The following USH2A variants were observed in gnomAD, a reference collection of about 807,000 sequenced individuals.
USH2A encodes usherin.
A neutral mutation model predicts 538.9 loss-of-function variants in USH2A; 443 were observed. The observed-to-expected ratio is 0.82, with a 90% CI of 0.76 to 0.89. USH2A has a LOEUF of 0.89. Among genes scored for constraint, USH2A ranks in the 40% least tolerant of loss-of-function variants. The pLI is 0.00. For missense variants in USH2A, 6,633 were observed against 6,324.8 expected (o/e 1.05, Z -1.65); for synonymous variants, 2,413 against 2,273.5 (o/e 1.06, Z -1.75).
intron 15 of USH2A, among the ~76,000 whole-genome samples, chr1:216,211,117 C>A (rs530063977): frequency 6.6e-6 from 1 of 152,186 alleles, no homozygotes; most frequent in East Asian, 1.9e-4. Context: ...CCCCTTTCCA[C>A]GTATCTTGTC....
intron 30 of USH2A, among the ~76,000 whole-genome samples, chr1:216,049,437 G>A (rs1435773345): frequency 6.6e-6 from 1 of 152,066 alleles, no homozygotes; most frequent in African/African-American, 2.4e-5. Context: ...TCCTTATTTA[G>A]TTAATCCTGT....
intron 61 of USH2A, among the ~76,000 whole-genome samples, chr1:215,720,512 T>C (rs1659624156): frequency 6.6e-6 from 1 of 152,158 alleles, no homozygotes; most frequent in Admixed American, 6.5e-5. Context: ...GTCAATGAAT[T>C]CCAAAGTTAG....
At chr1:216,287,037 T>G (rs1166339257) in intron 11 of USH2A, among the ~76,000 whole-genome samples, 5 of 152,150 alleles carry the variant, frequency 3.3e-5, no homozygotes, top group Non-Finnish European at 4.4e-5. Flanking sequence ...AGATGTAAAA[T>G]CCTTAGCAAA....
chr1:215,961,941 C>G (rs1177200935), intron 37 of USH2A, among the ~76,000 whole-genome samples: 1 of 151,862 alleles, frequency 6.6e-6, no homozygotes, highest in Non-Finnish European at 1.5e-5. Flanking sequence ...AAAATTTCTA[C>G]TAATATAACA....
In USH2A at chr1:215,840,163, CAAAAAAAA is replaced by C. The variant is rs60766928; in HGVS notation, c.9259-2068_9259-2061del. ...GGGTGAGAAGAGTGAGACTCTGTCT[CAAAAAAAA>C]AAAAAAAAAAAAAAAAAAAAAAAAG... On this transcript the variant is annotated intron_variant, in intron 46 of 71. Transcript: ENST00000307340. Among the ~76,000 whole-genome samples the C allele has an allele frequency of 9.9e-3, 291 of 29,420 alleles. 1 individual carries two copies. The highest frequency in any genetic ancestry group is 0.028 in the African/African-American group (252 of 8,852). 19.3% of individuals were successfully genotyped at this position (29,420 alleles called of 152,430 possible). A position where few individuals can be genotyped will look rare whatever the true frequency, so the allele number is the denominator to read the frequency against.
intron 21 of USH2A, among the ~76,000 whole-genome samples, chr1:216,101,091 G>A (rs2032567103): frequency 6.6e-6 from 1 of 152,098 alleles, no homozygotes. Flanking sequence ...AATAATGAAT[G>A]TCTTTTGTGC....
At position 216,050,908 on chromosome 1, in the gene USH2A, C is replaced by T. The variant is rs535999440; in HGVS notation, c.6050-2261G>A. Among the ~76,000 whole-genome samples the T allele has an allele frequency of 1.3e-5, 2 of 151,762 alleles. 1 individual carries two copies. The highest frequency in any genetic ancestry group is 4.2e-4 in the South Asian group (2 of 4,812). On this transcript the variant is annotated intron_variant, in intron 30 of 71. Coordinates refer to ENST00000307340, the MANE Select transcript of USH2A (RefSeq NM_206933.4). Reference sequence around the variant, plus strand: ...GCGTGAGCCACTGTGCCCGGCCGGCCGACGCTTTGTATCTTTTAAAGATCA... The same window carrying T: ...GCGTGAGCCACTGTGCCCGGCCGGCTGACGCTTTGTATCTTTTAAAGATCA...
rs150865322 is a variant in USH2A at position 216,391,607 on chromosome 1, T to C, written c.652-26522A>G. 9.7e-3 allele frequency among the ~76,000 whole-genome samples: 1,477 copies of C among 152,272 alleles called. 12 individuals are homozygous for C. Among genetic ancestry groups the C allele is most frequent in the Non-Finnish European group, 0.015 (1,045 of 68,008 alleles). ...CCATTTGAGACTTGCCCCTAGTACA[T>C]CTTAATAAATAATAACCAGGCATGC... On this transcript the variant is annotated intron_variant, in intron 3 of 71. Coordinates refer to ENST00000307340, the MANE Select transcript of USH2A (RefSeq NM_206933.4).
At chr1:216,384,558 C>A (rs764930879) in intron 3 of USH2A, among the ~76,000 whole-genome samples, 6 of 151,870 alleles carry the variant, frequency 4.0e-5, no homozygotes, top group Non-Finnish European at 7.4e-5. Context: ...GTCAATATAC[C>A]CCTGAAATTG....
intron 4 of USH2A, among the ~76,000 whole-genome samples, chr1:216,355,163 C>G (rs2038359689): frequency 6.6e-6 from 1 of 151,648 alleles, no homozygotes; most frequent in Non-Finnish European, 1.5e-5. Flanking sequence ...CAAAAATTGG[C>G]ATGGTGGCAT....
chr1:215,635,654 C>T (rs1656458507), intron 69 of USH2A, among the ~76,000 whole-genome samples: 1 of 151,826 alleles, frequency 6.6e-6, no homozygotes, highest in African/African-American at 2.4e-5. Context: ...CTCTTGGGTT[C>T]AAGTGATTCT....
At chr1:215,941,203 C>T (rs60239520) in intron 37 of USH2A, among the ~76,000 whole-genome samples, 3,964 of 151,940 alleles carry the variant, frequency 0.026, 175 homozygotes, top group African/African-American at 0.091. Context: ...CCTAAAACTG[C>T]TCTAAAAATA....
intron 35 of USH2A, among the ~76,000 whole-genome samples, chr1:215,990,643 T>C (rs1667980830): frequency 6.6e-6 from 1 of 152,042 alleles, no homozygotes; most frequent in African/African-American, 2.4e-5. Flanking sequence ...TACTTTAAAC[T>C]TAAGGAAGAG....
At chr1:215,662,433 C>G (rs1255702551) in intron 64 of USH2A, among the ~76,000 whole-genome samples, 2 of 152,108 alleles carry the variant, frequency 1.3e-5, no homozygotes, top group Non-Finnish European at 2.9e-5. Context: ...CCCAAAGGCG[C>G]CATGAAGATT....
chr1:215,679,901 A>G (rs1318211193), intron 62 of USH2A, among the ~76,000 whole-genome samples: 1 of 152,176 alleles, frequency 6.6e-6, no homozygotes, highest in Non-Finnish European at 1.5e-5. Flanking sequence ...GTACCCACCT[A>G]GTAGGGTTGA....
At chr1:216,202,353 G>T (rs2035018626) in intron 16 of USH2A, among the ~76,000 whole-genome samples, 1 of 152,156 alleles carries the variant, frequency 6.6e-6, no homozygotes, top group Non-Finnish European at 1.5e-5. Flanking sequence ...ATTAGAATCA[G>T]ATAGAATTGG....
At chr1:216,061,310 C>T (rs537077357) in intron 30 of USH2A, among the ~76,000 whole-genome samples, 5 of 152,290 alleles carry the variant, frequency 3.3e-5, no homozygotes, top group Admixed American at 3.3e-4. Flanking sequence ...TAAGTCTGAA[C>T]ATAAAATCCC....
At chr1:216,086,084 A>AT (rs1046587148) in intron 24 of USH2A, among the ~76,000 whole-genome samples, 4 of 151,848 alleles carry the variant, frequency 2.6e-5, no homozygotes, top group Non-Finnish European at 4.4e-5. Flanking sequence ...TTGAAGGGTG[A>AT]TTTTTTTTCC....
At chr1:215,743,371 C>CATATATATATATATATATATATATATAT (rs376081393) in intron 58 of USH2A, 36 bp from the exon 59 acceptor site, 106 of 405,982 alleles carry the variant, frequency 2.6e-4, no homozygotes, top group Admixed American at 7.2e-4. Context: ...ACATTAAAAA[C>CATATATATATATATATATATATATATAT]ATATATATAT....
Sources: gnomAD v4.1 joint callset for allele counts (sites outside exome capture counted in the v4.1 genomes callset) on GRCh38, gnomAD v4.1.1 for gene constraint, MANE v1.5 for transcripts, NCBI Gene and HGNC (gene_info 2026-07-23, HGNC 2026-07-21) for gene names.